The following CPA6 variants were observed in gnomAD, a reference collection of about 807,000 sequenced individuals.
CPA6 encodes carboxypeptidase A6, also known as carboxypeptidase B.
In CPA6, 58 loss-of-function variants were observed where a neutral mutation model predicts 63.3. The ratio of observed to expected loss-of-function variants is 0.92; its 90% CI spans 0.74 to 1.14. CPA6 has a LOEUF of 1.14. Ranked by LOEUF, CPA6 falls within the 50% of genes most tolerant of loss-of-function variation. The pLI is 0.00. For missense variants in CPA6, 565 were observed against 526.6 expected, an observed-to-expected ratio of 1.07 and a Z score of -0.71; for synonymous variants, 185 against 179.0, an observed-to-expected ratio of 1.03 and a Z score of -0.27.
intron 8 of CPA6, among the ~76,000 whole-genome samples, chr8:67,475,832 TTTCTTTCTTTC>T (rs1563967668): frequency 8.5e-4 from 48 of 56,238 alleles, no homozygotes; most frequent in African/African-American, 1.9e-3. Context: ...CTTTTCTTTC[TTTCTTTCTTTC>T]TTTCTTTCTT....
At chr8:67,584,653 G>A (rs1212151101) in intron 2 of CPA6, among the ~76,000 whole-genome samples, 2 of 152,164 alleles carry the variant, frequency 1.3e-5, no homozygotes, top group East Asian at 1.9e-4. Context: ...CTCCTGCTCC[G>A]ACTATAGTGC....
At chr8:67,661,332 G>C (rs1389349675) in intron 1 of CPA6, among the ~76,000 whole-genome samples, 1 of 152,318 alleles carries the variant, frequency 6.6e-6, no homozygotes, top group Non-Finnish European at 1.5e-5. Flanking sequence ...GAGTAGAGTA[G>C]GGTGGTAGAG....
At chr8:67,598,988 A>G (rs1309186705) in intron 2 of CPA6, among the ~76,000 whole-genome samples, 1 of 152,152 alleles carries the variant, frequency 6.6e-6, no homozygotes, top group Admixed American at 6.5e-5. Flanking sequence ...TGGTAAAAAA[A>G]TTTCTTCAAA....
At chr8:67,488,426 A>G (rs1811531664) in intron 6 of CPA6, among the ~76,000 whole-genome samples, 1 of 152,138 alleles carries the variant, frequency 6.6e-6, no homozygotes, top group Non-Finnish European at 1.5e-5. Flanking sequence ...CTGTTTTGGT[A>G]CCAGTCCCAT....
intron 2 of CPA6, among the ~76,000 whole-genome samples, chr8:67,593,968 C>A (rs1363507278): frequency 2.7e-5 from 4 of 149,632 alleles, no homozygotes; most frequent in African/African-American, 9.9e-5. Flanking sequence ...AATGCAGTTT[C>A]TTCCTAGTCT....
intron 1 of CPA6, among the ~76,000 whole-genome samples, chr8:67,673,389 T>TATA (rs1491456262): frequency 1.4e-4 from 19 of 132,870 alleles, no homozygotes; most frequent in African/African-American, 5.9e-4. Context: ...TATTTATTTA[T>TATA]TTTTTTTTTT....
chr8:67,738,219 C>T (rs552178962), intron 1 of CPA6, among the ~76,000 whole-genome samples: 4 of 152,322 alleles, frequency 2.6e-5, no homozygotes, highest in East Asian at 1.9e-4. Context: ...TGGCTAAAGG[C>T]TATATTTCAC....
chr8:67,631,098 T>A (rs568288516), intron 1 of CPA6, among the ~76,000 whole-genome samples: 1 of 152,178 alleles, frequency 6.6e-6, no homozygotes, highest in East Asian at 1.9e-4. Context: ...GGCTGAGGAG[T>A]GCGGCTGCAT....
intron 6 of CPA6, among the ~76,000 whole-genome samples, chr8:67,492,260 T>C (rs1811622803): frequency 6.6e-6 from 1 of 152,160 alleles, no homozygotes; most frequent in Non-Finnish European, 1.5e-5. Context: ...AGGATGATGA[T>C]ATTCCAGAAG....
At chr8:67,602,589 G>C (rs140084455) in intron 2 of CPA6, among the ~76,000 whole-genome samples, 5 of 152,094 alleles carry the variant, frequency 3.3e-5, no homozygotes, top group African/African-American at 4.8e-5. Flanking sequence ...CTACTAAAAG[G>C]CTTCCTTCCT....
At chr8:67,530,457 G>A (rs1047775710) in intron 2 of CPA6, among the ~76,000 whole-genome samples, 3 of 152,128 alleles carry the variant, frequency 2.0e-5, no homozygotes, top group African/African-American at 7.2e-5. Flanking sequence ...AACTAGTCCT[G>A]GGACTTACGT....
intron 5 of CPA6, among the ~76,000 whole-genome samples, chr8:67,508,790 G>T (rs1257441553): frequency 6.6e-6 from 1 of 152,134 alleles, no homozygotes; most frequent in Non-Finnish European, 1.5e-5. Flanking sequence ...AGAGCTATAG[G>T]TCAGTAGACA....
intron 8 of CPA6, among the ~76,000 whole-genome samples, chr8:67,478,259 G>A (rs1257724963): frequency 6.6e-6 from 1 of 152,186 alleles, no homozygotes; most frequent in Non-Finnish European, 1.5e-5. Flanking sequence ...CATGGAAAGG[G>A]CACGGAGCTT....
intron 2 of CPA6, among the ~76,000 whole-genome samples, chr8:67,561,166 A>C (rs1176349440): frequency 1.3e-5 from 2 of 152,112 alleles, no homozygotes; most frequent in Admixed American, 6.6e-5. Context: ...GAACTTCAAA[A>C]TTTTAATCTT....
intron 2 of CPA6, among the ~76,000 whole-genome samples, chr8:67,522,603 A>G (rs529841051): frequency 3.3e-5 from 5 of 152,330 alleles, no homozygotes; most frequent in African/African-American, 1.2e-4. Flanking sequence ...CCATTCACCA[A>G]GCTACCAATG....
In CPA6 at chr8:67,571,899, T is replaced by C. The variant is rs546037670; in HGVS notation, c.192+52277A>G. On this transcript the variant is annotated intron_variant, in intron 2 of 10. Transcript: ENST00000297770. The stretch of plus-strand genomic sequence containing the variant: ...GAAGATTGATTAAACTAAGAGTTGG[T>C]TTTTTAAAAAGATAAACAAAATTGA... Among the ~76,000 whole-genome samples, 6 of 151,672 alleles carry C rather than the reference T, an allele frequency of 4.0e-5. No individual in the cohort carries two copies. In the South Asian group the frequency reaches 1.3e-3, roughly 32 times the overall value.
chr8:67,468,133 C>T (rs1453932806), intron 8 of CPA6, among the ~76,000 whole-genome samples: 1 of 152,130 alleles, frequency 6.6e-6, no homozygotes, highest in East Asian at 1.9e-4. Context: ...AACATTTCCA[C>T]TAAAATACCC....
intron 2 of CPA6, among the ~76,000 whole-genome samples, chr8:67,582,815 T>C (rs924976933): frequency 6.6e-6 from 1 of 152,216 alleles, no homozygotes; most frequent in Non-Finnish European, 1.5e-5. Context: ...CTTTTGGTTA[T>C]AGGGTTTGCA....
chr8:67,577,892 C>T (rs559050370), intron 2 of CPA6, among the ~76,000 whole-genome samples: 7 of 152,056 alleles, frequency 4.6e-5, no homozygotes, highest in South Asian at 2.1e-4. Flanking sequence ...TTGCAGTCTA[C>T]GAATTGTCTA....
Sources: allele counts gnomAD v4.1 joint callset (sites outside exome capture counted in the v4.1 genomes callset), GRCh38; gene constraint gnomAD v4.1.1; transcripts MANE v1.5; gene names NCBI Gene and HGNC (gene_info 2026-07-23, HGNC 2026-07-21).